The following PPP1R14C variants were observed in gnomAD, a reference collection of about 807,000 sequenced individuals.
PPP1R14C encodes the protein protein phosphatase 1 regulatory subunit 14C.
A neutral mutation model predicts 20.4 loss-of-function variants in PPP1R14C; 16 were observed. The ratio of observed to expected loss-of-function variants is 0.78; its 90% CI spans 0.53 to 1.19. The LOEUF is 1.19. Ranked by LOEUF, PPP1R14C falls within the 50% of genes most tolerant of loss-of-function variation. The pLI is 0.00. For synonymous variants in PPP1R14C, 91 were observed against 91.0 expected (o/e 1.00, Z 0.00); for missense variants, 211 against 220.1 (o/e 0.96, Z 0.26).
intron 1 of PPP1R14C, among the ~76,000 whole-genome samples, chr6:150,170,759 T>C (rs1336603126): frequency 6.7e-6 from 1 of 149,790 alleles, no homozygotes; most frequent in African/African-American, 2.5e-5. Context: ...AACAGAGCCT[T>C]GTAGGTTACA....
intron 1 of PPP1R14C, among the ~76,000 whole-genome samples, chr6:150,188,482 CTTTT>C (rs753993224): frequency 2.9e-5 from 3 of 104,970 alleles, no homozygotes; most frequent in Non-Finnish European, 5.4e-5. Flanking sequence ...CAGGAATTAC[CTTTT>C]TTTTTTTTTT....
intron 1 of PPP1R14C, among the ~76,000 whole-genome samples, chr6:150,204,103 G>A (rs1225299606): frequency 2.6e-5 from 4 of 152,248 alleles, no homozygotes; most frequent in African/African-American, 9.6e-5. Flanking sequence ...GTCGGCACAG[G>A]AGCCGTGAGG....
At chr6:150,179,887 A>G (rs1441322948) in intron 1 of PPP1R14C, among the ~76,000 whole-genome samples, 1 of 152,184 alleles carries the variant, frequency 6.6e-6, no homozygotes, top group African/African-American at 2.4e-5. Context: ...GAAACAGATA[A>G]CAAAAGGGAT....
intron 1 of PPP1R14C, among the ~76,000 whole-genome samples, chr6:150,179,862 A>G (rs1777601946): frequency 6.6e-6 from 1 of 152,196 alleles, no homozygotes; most frequent in African/African-American, 2.4e-5. Flanking sequence ...TCTCATTTGT[A>G]AGGTGTGTTT....
chr6:150,214,627 T>G, intron 1 of PPP1R14C, 117 bp from the exon 2 acceptor site: 4 of 617,136 alleles, frequency 6.5e-6, no homozygotes, highest in East Asian at 4.1e-5. Context: ...CCCCTGCTTA[T>G]CTGTCAGCCC....
intron 1 of PPP1R14C, among the ~76,000 whole-genome samples, chr6:150,178,064 G>A (rs1015573738): frequency 3.9e-5 from 6 of 152,290 alleles, no homozygotes; most frequent in East Asian, 3.9e-4. Context: ...GGGCTTGTGC[G>A]TGTGTCTCCT....
chr6:150,181,473 A>AG (rs61151535), intron 1 of PPP1R14C, among the ~76,000 whole-genome samples: 82,198 of 151,114 alleles, frequency 0.54, 22,507 homozygotes, highest in South Asian at 0.62. Flanking sequence ...ACATTAAAAA[A>AG]AGTTCTCGAA....
chr6:150,168,236 G>GA (rs1020692143), intron 1 of PPP1R14C, among the ~76,000 whole-genome samples: 1 of 143,584 alleles, frequency 7.0e-6, no homozygotes, highest in Middle Eastern at 3.8e-3. Flanking sequence ...TCTCATGGGA[G>GA]AAAAAAATCC....
rs963205025 is a variant in PPP1R14C, at chr6:150,218,483, C to CT, written c.423+1627_423+1628insT. The stretch of plus-strand genomic sequence containing the variant: ...ATACTAATACATCTGAACCCCCCCC[C>CT]CCAAAAAAAAATTCTGAGGCTTATT... On this transcript the variant is annotated intron_variant, in intron 3 of 3. Coordinates refer to ENST00000361131, the MANE Select transcript of PPP1R14C (RefSeq NM_030949.3). Among the ~76,000 whole-genome samples, 660 of 118,694 alleles carry CT rather than the reference C, an allele frequency of 5.6e-3. 15 individuals are homozygous for CT. Among genetic ancestry groups the CT allele is most frequent in the African/African-American group, 0.022 (619 of 28,784 alleles). The allele number at this position is 118,694 out of a possible 152,430, so 77.9% of individuals were successfully genotyped here.
chr6:150,174,626 C>A (rs62440055), intron 1 of PPP1R14C, among the ~76,000 whole-genome samples: 1 of 151,704 alleles, frequency 6.6e-6, no homozygotes, highest in Non-Finnish European at 1.5e-5. Flanking sequence ...CAGTGTTCAA[C>A]GGTGTGTTTT....
At chr6:150,225,542 C>T (rs1778221208) in intron 3 of PPP1R14C, among the ~76,000 whole-genome samples, 1 of 152,150 alleles carries the variant, frequency 6.6e-6, no homozygotes, top group African/African-American at 2.4e-5. Context: ...GACCTCACTT[C>T]CCTTGTGGAT....
rs576297688 is a variant in PPP1R14C, at chr6:150,224,335, G to A, written c.423+7479G>A. Reference sequence around the variant, plus strand: ...TTGTGTTGGCTGTTCTGGGTCTTTTGTCTTTCTATATAAACCTTAGAATCA... The same window carrying A: ...TTGTGTTGGCTGTTCTGGGTCTTTTATCTTTCTATATAAACCTTAGAATCA... On this transcript the variant is annotated intron_variant, in intron 3 of 3. Transcript: ENST00000361131. Among the ~76,000 whole-genome samples, 3 of 152,194 alleles carry A rather than the reference G, an allele frequency of 2.0e-5. No individual in the cohort carries two copies. The South Asian group carries it at 6.2e-4, about 32-fold the overall frequency.
chr6:150,216,498 A>G (rs1416869441), intron 2 of PPP1R14C, among the ~76,000 whole-genome samples: 3 of 151,870 alleles, frequency 2.0e-5, no homozygotes, highest in Non-Finnish European at 4.4e-5. Context: ...CTGTCTCAAA[A>G]CAAACAAACA....
intron 3 of PPP1R14C, among the ~76,000 whole-genome samples, chr6:150,241,997 A>G (rs2114932914): frequency 6.6e-6 from 1 of 152,324 alleles, no homozygotes; most frequent in South Asian, 2.1e-4. Flanking sequence ...TTTTGGTGAC[A>G]TGAGGTATTC....
chr6:150,174,891 G>A (rs1013248731), intron 1 of PPP1R14C, among the ~76,000 whole-genome samples: 8 of 151,708 alleles, frequency 5.3e-5, no homozygotes, highest in African/African-American at 1.5e-4. Context: ...GCTTGAACCC[G>A]GGAGGCGGAG....
At chr6:150,231,387 C>T (rs138081852) in intron 3 of PPP1R14C, among the ~76,000 whole-genome samples, 68 of 152,310 alleles carry the variant, frequency 4.5e-4, no homozygotes, top group Middle Eastern at 3.4e-3. Context: ...CTGTGTCTTC[C>T]GTCACACCCC....
rs1026748780 is a variant in PPP1R14C at position 150,250,244 on chromosome 6, A to G, written c.*1424A>G. On this transcript the variant is annotated 3_prime_UTR_variant, in exon 4 of 4. Coordinates refer to ENST00000361131, the MANE Select transcript of PPP1R14C (RefSeq NM_030949.3). ...ACATATTTTATTTTTTAAAAAAACT[A>G]TGTTTGTGAATTTTGCGTATACTGG... 1.3e-5 allele frequency: 2 copies of G among 152,564 alleles called. No homozygotes were observed. The highest frequency in any genetic ancestry group is 2.9e-5 in the Non-Finnish European group (2 of 68,034). The allele number at this position is 152,564 out of a possible 1,614,324, so 9.5% of individuals were successfully genotyped here.
intron 1 of PPP1R14C, among the ~76,000 whole-genome samples, chr6:150,162,395 A>G (rs2343536): frequency 0.72 from 109,470 of 152,154 alleles, 39,722 homozygotes; most frequent in East Asian, 0.9. Context: ...TCTCTTTCCT[A>G]TTGCTATCGT....
chr6:150,150,062 GA>G (rs1777227447), intron 1 of PPP1R14C, among the ~76,000 whole-genome samples: 1 of 152,168 alleles, frequency 6.6e-6, no homozygotes, highest in African/African-American at 2.4e-5. Flanking sequence ...GCATTTGCTT[GA>G]ATGAATGAAA....
Sources: allele counts gnomAD v4.1 joint callset (sites outside exome capture counted in the v4.1 genomes callset), GRCh38; gene constraint gnomAD v4.1.1; transcripts MANE v1.5; gene names NCBI Gene and HGNC (gene_info 2026-07-23, HGNC 2026-07-21).